The following EXOC6B variants were observed in gnomAD, a reference collection of about 807,000 sequenced individuals.
The protein encoded by EXOC6B is exocyst complex component 6B, also known as SEC15 homolog B.
Under a neutral mutation model 113.5 loss-of-function variants are expected in EXOC6B, and 54 were observed. The ratio of observed to expected loss-of-function variants is 0.48; its 90% CI spans 0.38 to 0.60. The LOEUF (loss-of-function observed/expected upper bound fraction) is 0.60. EXOC6B is among the 20% of genes least tolerant of loss of function. The pLI, the probability that EXOC6B is intolerant of heterozygous loss-of-function variation, is 0.00. For missense variants in EXOC6B, 797 were observed against 977.5 expected, an observed-to-expected ratio of 0.82 and a Z score of 2.46; for synonymous variants, 357 against 339.0, an observed-to-expected ratio of 1.05 and a Z score of -0.58.
intron 5 of EXOC6B, among the ~76,000 whole-genome samples, chr2:72,725,423 A>G (rs982182484): frequency 2.0e-5 from 3 of 151,782 alleles, no homozygotes; most frequent in Non-Finnish European, 2.9e-5. Flanking sequence ...ACAGACTCTC[A>G]CTCTGTCGCC....
At chr2:72,303,429 C>A (rs1369785980) in intron 20 of EXOC6B, among the ~76,000 whole-genome samples, 1 of 152,014 alleles carries the variant, frequency 6.6e-6, no homozygotes, top group African/African-American at 2.4e-5. Context: ...AGGTTTTGTT[C>A]ATTTCTTTTT....
At chr2:72,343,641 T>C (rs1255845449) in intron 19 of EXOC6B, among the ~76,000 whole-genome samples, 2 of 152,156 alleles carry the variant, frequency 1.3e-5, no homozygotes, top group African/African-American at 4.8e-5. Flanking sequence ...ATTTATCTGG[T>C]AGTGTCTTAA....
chr2:72,490,147 T>C lies in EXOC6B; in HGVS notation c.1665+2171A>G, dbSNP rs34597906. Reference sequence around the variant, plus strand: ...TGTTACTATGGACCTCCTGTAAAAATCTCAATTTTTGTTAGGATGAAATAA... The same window carrying C: ...TGTTACTATGGACCTCCTGTAAAAACCTCAATTTTTGTTAGGATGAAATAA... On this transcript the variant is annotated intron_variant, in intron 16 of 21. Transcript: ENST00000272427. Among the ~76,000 whole-genome samples the C allele has an allele frequency of 6.9e-3, 1,045 of 152,184 alleles. 3 individuals are homozygous for C. Among genetic ancestry groups the C allele is most frequent in the Non-Finnish European group, 0.011 (722 of 67,994 alleles).
intron 19 of EXOC6B, among the ~76,000 whole-genome samples, chr2:72,360,986 T>C (rs1448052898): frequency 2.0e-5 from 3 of 148,852 alleles, no homozygotes; most frequent in Non-Finnish European, 4.5e-5. Flanking sequence ...TTCTCCAAAA[T>C]ACTTTCCATT....
At chr2:72,431,052 A>G (rs1485884990) in intron 18 of EXOC6B, among the ~76,000 whole-genome samples, 1 of 152,194 alleles carries the variant, frequency 6.6e-6, no homozygotes, top group African/African-American at 2.4e-5. Context: ...TGGGGGTTGC[A>G]TGTTATTATT....
At chr2:72,619,596 T>A (rs949382584) in intron 6 of EXOC6B, among the ~76,000 whole-genome samples, 5 of 152,034 alleles carry the variant, frequency 3.3e-5, no homozygotes, top group East Asian at 1.9e-4. Flanking sequence ...TAAACCACCA[T>A]AATTTGGGCA....
chr2:72,376,734 A>G (rs1691382082), intron 19 of EXOC6B, among the ~76,000 whole-genome samples: 1 of 152,020 alleles, frequency 6.6e-6, no homozygotes, highest in South Asian at 2.1e-4. Context: ...CAGTGGATCT[A>G]TTTCTATTGT....
At chr2:72,695,655 A>C (rs1677816843) in intron 6 of EXOC6B, among the ~76,000 whole-genome samples, 1 of 152,212 alleles carries the variant, frequency 6.6e-6, no homozygotes, top group South Asian at 2.1e-4. Flanking sequence ...CCCAAACACA[A>C]ACACAGACAC....
chr2:72,249,199 G>C (rs1682855281), intron 20 of EXOC6B, among the ~76,000 whole-genome samples: 1 of 152,188 alleles, frequency 6.6e-6, no homozygotes, highest in African/African-American at 2.4e-5. Context: ...CCAGGAGTTG[G>C]AGGCTGTAGT....
At chr2:72,420,221 T>C (rs376650573) in intron 18 of EXOC6B, among the ~76,000 whole-genome samples, 14 of 152,334 alleles carry the variant, frequency 9.2e-5, no homozygotes, top group African/African-American at 2.6e-4. Context: ...CACATTTTTG[T>C]GTAGTTCTTT....
At chr2:72,610,928 A>C (rs1671036456) in intron 6 of EXOC6B, among the ~76,000 whole-genome samples, 1 of 152,200 alleles carries the variant, frequency 6.6e-6, no homozygotes, top group Non-Finnish European at 1.5e-5. Flanking sequence ...TCATGTAGAT[A>C]TCATGAATTC....
chr2:72,203,537 A>G (rs1362764158), intron 20 of EXOC6B, among the ~76,000 whole-genome samples: 1 of 152,174 alleles, frequency 6.6e-6, no homozygotes, highest in Admixed American at 6.5e-5. Flanking sequence ...GCTCAACTGG[A>G]CTTCCATTAT....
chr2:72,341,884 T>TGTTTAA (rs1689050826), intron 19 of EXOC6B, among the ~76,000 whole-genome samples: 1 of 152,116 alleles, frequency 6.6e-6, no homozygotes, highest in Non-Finnish European at 1.5e-5. Context: ...ATTGTAATCA[T>TGTTTAA]CTTAAGTACC....
At chr2:72,573,321 G>T (rs1704627327) in intron 7 of EXOC6B, among the ~76,000 whole-genome samples, 1 of 152,116 alleles carries the variant, frequency 6.6e-6, no homozygotes, top group African/African-American at 2.4e-5. Flanking sequence ...CTTGTTCATG[G>T]GTACTCAAAA....
chr2:72,535,410 A>G (rs1702226686), intron 8 of EXOC6B, among the ~76,000 whole-genome samples: 1 of 152,214 alleles, frequency 6.6e-6, no homozygotes, highest in Non-Finnish European at 1.5e-5. Context: ...AAGAATTCAT[A>G]TTAGGGATAT....
chr2:72,392,382 C>A (rs940020639), intron 18 of EXOC6B, among the ~76,000 whole-genome samples: 5 of 152,242 alleles, frequency 3.3e-5, no homozygotes, highest in African/African-American at 1.2e-4. Context: ...CCAGCTTGGG[C>A]AGCAGCCCAG....
intron 6 of EXOC6B, among the ~76,000 whole-genome samples, chr2:72,715,208 A>C (rs1679529601): frequency 6.6e-6 from 1 of 152,110 alleles, no homozygotes; most frequent in Non-Finnish European, 1.5e-5. Flanking sequence ...GCCTAGTGAC[A>C]GAGTGAGACT....
Position 72,450,415 on chromosome 2 carries a change from T to G in EXOC6B, c.1980+14745A>C, listed in dbSNP as rs139422335. Among the ~76,000 whole-genome samples, 418 of 152,300 alleles carry G rather than the reference T, an allele frequency of 2.7e-3. 4 individuals carry two copies. Among genetic ancestry groups the G allele is most frequent in the African/African-American group, 8.8e-3 (364 of 41,548 alleles). On this transcript the variant is annotated intron_variant, in intron 18 of 21. Transcript: ENST00000272427. ...CAGAGGTCACATGACATAGAGGGTA[T>G]AGACACATTAAAAGTTAATCTCACA...
intron 20 of EXOC6B, among the ~76,000 whole-genome samples, chr2:72,209,223 C>CAAAAAAAAAAAAAAAAAAAAAAAAAAA (rs1170760516): frequency 4.0e-4 from 23 of 57,080 alleles, no homozygotes; most frequent in East Asian, 1.0e-3. Context: ...AACTCAGTCT[C>CAAAAAAAAAAAAAAAAAAAAAAAAAAA]AAAAAAAAAA....
Sources: gnomAD v4.1 joint callset for allele counts (sites outside exome capture counted in the v4.1 genomes callset) on GRCh38, gnomAD v4.1.1 for gene constraint, MANE v1.5 for transcripts, NCBI Gene and HGNC (gene_info 2026-07-23, HGNC 2026-07-21) for gene names.